The following AGTPBP1 variants were observed in gnomAD, a reference collection of about 807,000 sequenced individuals.
AGTPBP1 encodes the protein ATP/GTP binding carboxypeptidase 1, also known as cytosolic carboxypeptidase 1.
AGTPBP1 carries 70 observed loss-of-function variants against 143.9 expected under a neutral mutation model. That is an observed-to-expected ratio of 0.49 (90% CI 0.40 to 0.59). The LOEUF is 0.59. AGTPBP1 is among the 20% of genes least tolerant of loss of function. The pLI, the probability that AGTPBP1 is intolerant of heterozygous loss-of-function variation, is 0.00. For synonymous variants in AGTPBP1, 463 were observed against 500.2 expected, an observed-to-expected ratio of 0.93 and a Z score of 0.99; for missense variants, 1,229 against 1,464.5, an observed-to-expected ratio of 0.84 and a Z score of 2.62.
intron 19 of AGTPBP1, among the ~76,000 whole-genome samples, chr9:85,592,319 TGTA>T (rs1172110279): frequency 2.0e-5 from 3 of 152,176 alleles, no homozygotes; most frequent in East Asian, 3.9e-4. Context: ...CAAGAAATAC[TGTA>T]GTATTTTCCA....
intron 11 of AGTPBP1, among the ~76,000 whole-genome samples, chr9:85,652,821 T>C (rs147432735): frequency 3.0e-4 from 46 of 152,236 alleles, no homozygotes; most frequent in Non-Finnish European, 5.6e-4. Context: ...TAGTCCAGAC[T>C]TGTAATTGTT....
At chr9:85,743,927 T>TTTC (rs1824549157), upstream of AGTPBP1, among the ~76,000 whole-genome samples, 1 of 11,020 alleles carries the variant, frequency 9.1e-5, no homozygotes, top group South Asian at 1.6e-3. Flanking sequence ...TTTTTCTTTC[T>TTTC]TTTTTTTTTT....
the AGTPBP1 span, among the ~76,000 whole-genome samples, chr9:85,762,931 G>A: frequency 6.6e-6 from 1 of 150,860 alleles, no homozygotes; most frequent in South Asian, 2.1e-4. Flanking sequence ...ACATATCACT[G>A]TGAAGGTTTG....
At chr9:85,752,509 AATGTG>A in the AGTPBP1 span, among the ~76,000 whole-genome samples, 4 of 152,332 alleles carry the variant, frequency 2.6e-5, no homozygotes, top group African/African-American at 9.6e-5. Flanking sequence ...TTGTTACGCT[AATGTG>A]TAACACTCAC....
At chr9:85,752,541 G>A in the AGTPBP1 span, among the ~76,000 whole-genome samples, 3 of 152,016 alleles carry the variant, frequency 2.0e-5, no homozygotes, top group African/African-American at 7.2e-5. Context: ...TGAAAAAAAC[G>A]CTCAGTTTTG....
the AGTPBP1 span, among the ~76,000 whole-genome samples, chr9:85,784,053 T>C: frequency 6.6e-6 from 1 of 152,276 alleles, no homozygotes; most frequent in Non-Finnish European, 1.5e-5. Flanking sequence ...GTCATCCCTC[T>C]GTTACAGTGT....
chr9:85,706,541 G>T (rs1157846139), intron 2 of AGTPBP1, among the ~76,000 whole-genome samples: 1 of 146,312 alleles, frequency 6.8e-6, no homozygotes, highest in Non-Finnish European at 1.5e-5. Flanking sequence ...GAAAAGAAAA[G>T]AAATAGTAAG....
At chr9:85,776,440 C>G in the AGTPBP1 span, among the ~76,000 whole-genome samples, 77 of 152,256 alleles carry the variant, frequency 5.1e-4, no homozygotes, top group Non-Finnish European at 9.6e-4. Context: ...GTGACCCAAC[C>G]CTTCATTCCT....
At chr9:85,723,737 G>A (rs1014700454) in intron 1 of AGTPBP1, among the ~76,000 whole-genome samples, 2 of 152,108 alleles carry the variant, frequency 1.3e-5, no homozygotes, top group Non-Finnish European at 2.9e-5. Context: ...ACCTTAGTTG[G>A]AAATGCAGAA....
chr9:85,732,088 T>A (rs545056861), intron 1 of AGTPBP1, among the ~76,000 whole-genome samples: 1 of 152,286 alleles, frequency 6.6e-6, no homozygotes, highest in East Asian at 1.9e-4. Context: ...CCAACTCAGA[T>A]TTCAACTATT....
intron 17 of AGTPBP1, among the ~76,000 whole-genome samples, chr9:85,610,423 A>G (rs1229395227): frequency 1.3e-5 from 2 of 152,344 alleles, no homozygotes; most frequent in African/African-American, 2.4e-5. Context: ...AGTGTGAAAC[A>G]TAAATATTTT....
At position 85,677,532 on chromosome 9, in the gene AGTPBP1, A is replaced by G. The variant is rs781761450; in HGVS notation, c.340T>C (p.Leu114=). Residue 114 remains leucine (L), a synonymous_variant, in exon 6 of 26, where the codon TTG becomes CTG. Coordinates refer to ENST00000357081, the MANE Select transcript of AGTPBP1 (RefSeq NM_001330701.2). Reference sequence around the variant, plus strand: ...CTGGCATTCATAAGTAACTGCAACAATATTTGTGAACCACCTTTGGTGACT... The same window carrying G: ...CTGGCATTCATAAGTAACTGCAACAGTATTTGTGAACCACCTTTGGTGACT... ...FLVTKGGSQI[L]LQLLMNASKE... 1.2e-6 allele frequency: 2 copies of G among 1,601,876 alleles called. No homozygotes were observed. The highest frequency in any genetic ancestry group is 1.7e-6 in the Non-Finnish European group (2 of 1,174,226).
At chr9:85,707,700 G>A (rs1837099461) in intron 2 of AGTPBP1, among the ~76,000 whole-genome samples, 1 of 152,156 alleles carries the variant, frequency 6.6e-6, no homozygotes, top group South Asian at 2.1e-4. Context: ...TACTGCTGCT[G>A]TAACCAATTA....
intron 17 of AGTPBP1, among the ~76,000 whole-genome samples, chr9:85,615,142 T>A (rs1830535134): frequency 6.6e-6 from 1 of 152,070 alleles, no homozygotes. Context: ...AAATCCCAAT[T>A]CACAGAAAAT....
chr9:85,681,097 T>C lies in AGTPBP1; in HGVS notation c.225+171A>G, dbSNP rs139665947. 6.1e-3 allele frequency among the ~76,000 whole-genome samples: 921 copies of C among 151,992 alleles called. 9 individuals carry two copies. The highest frequency in any genetic ancestry group is 0.021 in the African/African-American group (882 of 41,496). On this transcript the variant is annotated intron_variant, in intron 4 of 25. Transcript: ENST00000357081. The stretch of plus-strand genomic sequence containing the variant: ...AGTATTTTAAAAACCTAAAATGAAT[T>C]TCCATTTACTGGCTTTACCTCTAAA...
At chr9:85,734,135 C>T (rs770416636) in intron 1 of AGTPBP1, among the ~76,000 whole-genome samples, 2 of 152,074 alleles carry the variant, frequency 1.3e-5, no homozygotes, top group Non-Finnish European at 2.9e-5. Flanking sequence ...TGTCTGTAGT[C>T]CCAGCTACTC....
At chr9:85,756,111 T>C in the AGTPBP1 span, 1 of 1,588,832 alleles carries the variant, frequency 6.3e-7, no homozygotes, top group Admixed American at 1.8e-5. Flanking sequence ...GATGAAGAAG[T>C]AGAGAAAGTT....
At chr9:85,556,500 A>C (rs1271302662) in intron 25 of AGTPBP1, among the ~76,000 whole-genome samples, 1 of 152,220 alleles carries the variant, frequency 6.6e-6, no homozygotes, top group African/African-American at 2.4e-5. Flanking sequence ...GTAATTCATT[A>C]AATGGAAATG....
At chr9:85,560,250 C>G (rs573449475) in intron 25 of AGTPBP1, among the ~76,000 whole-genome samples, 1 of 152,140 alleles carries the variant, frequency 6.6e-6, no homozygotes, top group African/African-American at 2.4e-5. Context: ...CATTACAAAG[C>G]CCTAGAAAAG....
Sources: gnomAD v4.1 joint callset for allele counts (sites outside exome capture counted in the v4.1 genomes callset) on GRCh38, gnomAD v4.1.1 for gene constraint, MANE v1.5 for transcripts, NCBI Gene and HGNC (gene_info 2026-07-23, HGNC 2026-07-21) for gene names.